COMMD2: variants seen among roughly 807,000 people sequenced by gnomAD.
The protein encoded by COMMD2 is COMM domain-containing protein 2.
In COMMD2, 25 loss-of-function variants were observed where a neutral mutation model predicts 22.5. The observed-to-expected ratio is 1.11, with a 90% confidence interval of 0.81 to 1.55. COMMD2 has a LOEUF of 1.55. Among genes scored for constraint, COMMD2 ranks in the 40% most tolerant of loss-of-function variants. COMMD2 has a pLI of 0.00. For synonymous variants in COMMD2, 98 were observed against 91.2 expected (o/e 1.07, Z -0.42); for missense variants, 223 against 232.9 (o/e 0.96, Z 0.28).
chr3:149,748,825 C>T (rs770268548), intron 4 of COMMD2, among the ~76,000 whole-genome samples: 107 of 152,292 alleles, frequency 7.0e-4, no homozygotes, highest in Non-Finnish European at 1.2e-3. Context: ...CTGATTTAAA[C>T]GGAGACTTAC....
Position 149,740,246 on chromosome 3 carries a change from C to A in COMMD2, c.*1275G>T, listed in dbSNP as rs971119175. The A allele has an allele frequency of 1.3e-5, 2 of 152,146 alleles. No homozygotes were observed. The highest frequency in any genetic ancestry group is 2.9e-5 in the Non-Finnish European group (2 of 68,034). The allele number at this position is 152,146 out of a possible 1,614,324, so 9.4% of individuals were successfully genotyped here. A position where few individuals can be genotyped will look rare whatever the true frequency, so the allele number is the denominator to read the frequency against. On this transcript the variant is annotated 3_prime_UTR_variant, in exon 5 of 5. Transcript: ENST00000473414. ...CAAATCAGCACCTGAGTTTTTCAGA[C>A]CAAAAGCTTTTGGTTCCCTACTAAA...
At chr3:149,746,026 T>C (rs1245529521) in intron 4 of COMMD2, among the ~76,000 whole-genome samples, 1 of 152,184 alleles carries the variant, frequency 6.6e-6, no homozygotes, top group African/African-American at 2.4e-5. Context: ...TCATTTGTGA[T>C]TTGAACTAAT....
chr3:149,750,727 G>T lies in COMMD2; in HGVS notation c.353C>A (p.Ala118Glu). 1 of 1,602,654 alleles carries T rather than the reference G, an allele frequency of 6.2e-7. No homozygotes were observed. Among genetic ancestry groups the T allele is most frequent in the Non-Finnish European group, 8.5e-7 (1 of 1,173,830 alleles). Residue 118 changes from alanine (A) to glutamate (E), a missense_variant, in exon 4 of 5, where the codon GCA becomes GAA. Ala to Glu is a moderately radical substitution (Grantham distance 107, BLOSUM62 -1). Coordinates refer to ENST00000473414, the MANE Select transcript of COMMD2 (RefSeq NM_016094.4). ...GTTATGATAACTGGGAAGGCTTGGT[G>T]CCAATTCACTCAGAATCGTTCTGAT... ...KEIRTILSEL[A>E]PSLPSYHNLE...
rs575114343 is a variant in COMMD2 at position 149,739,901 on chromosome 3, G to A, written c.*1620C>T. 6.6e-6 allele frequency: 1 copy of A among 152,250 alleles called. No individual in the cohort carries two copies. The highest frequency in any genetic ancestry group is 2.1e-4 in the South Asian group (1 of 4,824). 9.4% of individuals were successfully genotyped at this position (152,250 alleles called of 1,614,324 possible). ...AAAGGGTGGCCCAGATGCCTGCAGG[G>A]ACCAATGGGTAACCATCTCAAGTAT... On this transcript the variant is annotated 3_prime_UTR_variant, in exon 5 of 5. Transcript: ENST00000473414.
Position 149,751,706 on chromosome 3 carries a change from G to A in COMMD2, c.146-221C>T, listed in dbSNP as rs892025255. The A allele has an allele frequency of 1.2e-5, 5 of 428,488 alleles. No homozygotes were observed. In the Admixed American group the frequency reaches 1.2e-4, roughly 10 times the overall value. The allele number at this position is 428,488 out of a possible 1,614,324, so 26.5% of individuals were successfully genotyped here. ...AACCTTAACAAAATGCAGAACTGTGGAGACTAGTATCAGGTGCGTAGCCCT... is the reference window on the plus strand; with the variant it reads ...AACCTTAACAAAATGCAGAACTGTGAAGACTAGTATCAGGTGCGTAGCCCT... On this transcript the variant is annotated intron_variant, in intron 2 of 4. Transcript: ENST00000473414.
intron 4 of COMMD2, among the ~76,000 whole-genome samples, chr3:149,744,726 A>T (rs1344895370): frequency 6.6e-6 from 1 of 152,228 alleles, no homozygotes; most frequent in Admixed American, 6.5e-5. Context: ...TGAGCAGAAG[A>T]ATCCACTCCA....
At chr3:149,747,223 T>C (rs1716398520) in intron 4 of COMMD2, among the ~76,000 whole-genome samples, 1 of 152,202 alleles carries the variant, frequency 6.6e-6, no homozygotes, top group South Asian at 2.1e-4. Flanking sequence ...AGTTCTAGGC[T>C]AAAGATATAA....
intron 4 of COMMD2, chr3:149,750,290 G>A: frequency 3.3e-6 from 1 of 301,282 alleles, no homozygotes; most frequent in Non-Finnish European, 6.9e-6. Context: ...GTAATTAGGA[G>A]GCAAGGAGGA....
chr3:149,744,808 C>T (rs1044171299), intron 4 of COMMD2, among the ~76,000 whole-genome samples: 1 of 152,140 alleles, frequency 6.6e-6, no homozygotes, highest in Non-Finnish European at 1.5e-5. Context: ...CTTTTCTAGC[C>T]CTTAAATGCA....
At chr3:149,751,288 A>G (rs1202631930) in intron 3 of COMMD2, 115 bp downstream of exon 3, 10 of 1,497,984 alleles carry the variant, frequency 6.7e-6, no homozygotes, top group African/African-American at 1.4e-5. Flanking sequence ...AATCAATTAT[A>G]AACCATTAAC....
At position 149,738,741 on chromosome 3, in the gene COMMD2, C is replaced by T. The variant is rs550861972; in HGVS notation, c.*2780G>A. The T allele has an allele frequency of 2.0e-5, 3 of 152,278 alleles. No individual in the cohort carries two copies. The highest frequency in any genetic ancestry group is 6.5e-5 in the Admixed American group (1 of 15,294). The allele number at this position is 152,278 out of a possible 1,614,324, so 9.4% of individuals were successfully genotyped here. On this transcript the variant is annotated 3_prime_UTR_variant, in exon 5 of 5. Transcript: ENST00000473414. ...GATTAAAACGCTGAAGGGGCACATA[C>T]TGTTATGAATTTTAATGGCTCCTAC... is the stretch of plus-strand genomic sequence containing the variant.
chr3:149,747,110 G>A (rs1420561745), intron 4 of COMMD2, among the ~76,000 whole-genome samples: 1 of 152,180 alleles, frequency 6.6e-6, no homozygotes, highest in East Asian at 1.9e-4. Context: ...GGGTAAGAAA[G>A]GTGGGATTCA....
At chr3:149,751,204 A>C (rs1384179345) in intron 3 of COMMD2, 199 bp downstream of exon 3, 1 of 705,728 alleles carries the variant, frequency 1.4e-6, no homozygotes, top group Non-Finnish European at 2.3e-6. Context: ...CTTCTATACT[A>C]GCTATTTATA....
chr3:149,738,687 C>T lies in COMMD2; in HGVS notation c.*2834G>A, dbSNP rs1018221356. The T allele has an allele frequency of 2.6e-5, 4 of 152,056 alleles. No individual in the cohort carries two copies. Among genetic ancestry groups the T allele is most frequent in the African/African-American group, 7.2e-5 (3 of 41,412 alleles). 9.4% of individuals were successfully genotyped at this position (152,056 alleles called of 1,614,324 possible). On this transcript the variant is annotated 3_prime_UTR_variant, in exon 5 of 5. Coordinates refer to ENST00000473414, the MANE Select transcript of COMMD2 (RefSeq NM_016094.4). ...AAATTCAAATCCTTTTGTCCAACTC[C>T]GAAGACTTATCTCTTAACCACTTCA...
intron 4 of COMMD2, chr3:149,750,468 A>C (rs142126557): frequency 1.8e-6 from 1 of 552,566 alleles, no homozygotes; most frequent in East Asian, 3.2e-5. Context: ...GAAAATAACC[A>C]ATTTCTTACA....
rs1394630052 is a variant in COMMD2 at position 149,739,773 on chromosome 3, CA to C, written c.*1747del. ...TTTGTGAGGTTGTATATGAGAGCTTCATTAATCAAGTTGCCACTATAATTAA... is the reference window on the plus strand; with the variant it reads ...TTTGTGAGGTTGTATATGAGAGCTTCTTAATCAAGTTGCCACTATAATTAA... On this transcript the variant is annotated 3_prime_UTR_variant, in exon 5 of 5. Coordinates refer to ENST00000473414, the MANE Select transcript of COMMD2 (RefSeq NM_016094.4). 1 of 152,192 alleles carries C rather than the reference CA, an allele frequency of 6.6e-6. No homozygotes were observed. Among genetic ancestry groups the C allele is most frequent in the Admixed American group, 6.5e-5 (1 of 15,276 alleles). 9.4% of individuals were successfully genotyped at this position (152,192 alleles called of 1,614,324 possible).
In COMMD2 at chr3:149,738,557, C is replaced by T. The variant is rs939108556; in HGVS notation, c.*2964G>A. The T allele has an allele frequency of 6.6e-5, 10 of 151,980 alleles. No homozygotes were observed. Among genetic ancestry groups the T allele is most frequent in the Non-Finnish European group, 1.3e-4 (9 of 67,938 alleles). 9.4% of individuals were successfully genotyped at this position (151,980 alleles called of 1,614,324 possible). A position where few individuals can be genotyped will look rare whatever the true frequency, so the allele number is the denominator to read the frequency against. On this transcript the variant is annotated 3_prime_UTR_variant, in exon 5 of 5. Transcript: ENST00000473414. ...TTCTATATACATGGTCTCATATAGTCCTTACGAGTCAATGTGGTAGGTAAT... is the reference window on the plus strand; with the variant it reads ...TTCTATATACATGGTCTCATATAGTTCTTACGAGTCAATGTGGTAGGTAAT...
rs1162151368 is a variant in COMMD2, at chr3:149,741,498, GAATT to G, written c.*19_*22del. On this transcript the variant is annotated 3_prime_UTR_variant, in exon 5 of 5. Transcript: ENST00000473414. ...TCATCAATTCATAAGTGATTCAAAT[GAATT>G]AAAACCTTAAAACTGGTACTACTTG... The G allele has an allele frequency of 1.9e-6, 3 of 1,579,550 alleles. No individual in the cohort carries two copies. In the East Asian group the frequency reaches 6.7e-5, roughly 35 times the overall value.
chr3:149,741,295 T>A lies in COMMD2; in HGVS notation c.*226A>T, dbSNP rs1278232111. 2.1e-6 allele frequency: 1 copy of A among 470,600 alleles called. No individual in the cohort carries two copies. The highest frequency in any genetic ancestry group is 3.3e-5 in the Admixed American group (1 of 30,022). 29.2% of individuals were successfully genotyped at this position (470,600 alleles called of 1,614,324 possible). ...GTTAGCCAGGAAGGTCTCAATCTCC[T>A]GACCTCATGATTTGCCCACCTCGGC... On this transcript the variant is annotated 3_prime_UTR_variant, in exon 5 of 5. Coordinates refer to ENST00000473414, the MANE Select transcript of COMMD2 (RefSeq NM_016094.4).
Sources: gnomAD v4.1 joint callset for allele counts (sites outside exome capture counted in the v4.1 genomes callset) on GRCh38, gnomAD v4.1.1 for gene constraint, MANE v1.5 for transcripts, NCBI Gene and HGNC (gene_info 2026-07-23, HGNC 2026-07-21) for gene names.